The following SUFU variants were observed in gnomAD, a reference collection of about 807,000 sequenced individuals.
SUFU encodes SUFU negative regulator of hedgehog signaling.
A neutral mutation model predicts 58.9 loss-of-function variants in SUFU; 7 were observed. The ratio of observed to expected loss-of-function variants is 0.12; its 90% CI spans 0.07 to 0.22. The LOEUF is 0.22. SUFU is among the 10% of genes least tolerant of loss of function. The pLI is 1.00. For synonymous variants in SUFU, 232 were observed against 254.8 expected, an observed-to-expected ratio of 0.91 and a Z score of 0.85; for missense variants, 451 against 641.3, an observed-to-expected ratio of 0.70 and a Z score of 3.20.
Position 102,630,545 on chromosome 10 carries a change from G to A in SUFU, c.*390G>A. ...CCAGCAGGAGGGAGGCGGACAGCCA[G>A]ATGCAGAGCGAGTGGATGCACTTCC... On this transcript the variant is annotated 3_prime_UTR_variant, in exon 12 of 12. Coordinates refer to ENST00000369902, the MANE Select transcript of SUFU (RefSeq NM_016169.4). 5.0e-6 allele frequency: 2 copies of A among 402,446 alleles called. No homozygotes were observed. The highest frequency in any genetic ancestry group is 9.4e-6 in the Non-Finnish European group (2 of 213,154). The allele number at this position is 402,446 out of a possible 1,614,324, so 24.9% of individuals were successfully genotyped here. A position where few individuals can be genotyped will look rare whatever the true frequency, so the allele number is the denominator to read the frequency against.
chr10:102,530,555 G>C (rs1248565052), intron 2 of SUFU, among the ~76,000 whole-genome samples: 1 of 151,030 alleles, frequency 6.6e-6, no homozygotes, highest in Non-Finnish European at 1.5e-5. Context: ...CTGGGCTCAA[G>C]TGGTCCTCAT....
intron 3 of SUFU, among the ~76,000 whole-genome samples, chr10:102,577,155 C>T (rs1368324116): frequency 1.8e-4 from 25 of 139,056 alleles, no homozygotes; most frequent in African/African-American, 6.1e-4. Context: ...ACCATCTTGG[C>T]TCACTGCAAC....
rs1060501109 is a variant in SUFU, at chr10:102,550,088, C to T, written c.436C>T (p.Arg146Ter). The T allele has an allele frequency of 1.2e-6, 2 of 1,614,048 alleles. No homozygotes were observed. The highest frequency in any genetic ancestry group is 1.3e-5 in the African/African-American group (1 of 74,918). Residue 146 changes from arginine (R) to a stop codon, truncating the protein, a stop_gained, in exon 3 of 12, where the codon CGA (arginine) becomes TGA (stop). Transcript: ENST00000369902. LOFTEE classifies it high-confidence loss of function. ...WPAELMQGLA[R>*]YVFQSENTFC... ...CGCAGAGTTAATGCAGGGCTTGGCA[C>T]GATACGTGTTCCAGTCAGGTAGGAG...
intron 10 of SUFU, among the ~76,000 whole-genome samples, chr10:102,622,626 C>T (rs1248235553): frequency 6.6e-6 from 1 of 151,842 alleles, no homozygotes; most frequent in Non-Finnish European, 1.5e-5. Context: ...CCTGTAGTCC[C>T]AGCTTGTTTG....
At position 102,625,641 on chromosome 10, in the gene SUFU, G is replaced by A. The variant is rs7907090; in HGVS notation, c.1297-1534G>A. Among the ~76,000 whole-genome samples the A allele has an allele frequency of 0.043, 6,501 of 152,260 alleles. 280 individuals carry two copies. Among genetic ancestry groups the A allele is most frequent in the African/African-American group, 0.11 (4,666 of 41,526 alleles). On this transcript the variant is annotated intron_variant, in intron 10 of 11. Transcript: ENST00000369902. The surrounding 1 kb of genome is among the most constrained non-coding windows in gnomAD (Gnocchi z 4.7). ...ATATGGTCTTAACCACTCACAAGCC[G>A]TGTGACACTGAGCAAATTACATAAC...
intron 3 of SUFU, among the ~76,000 whole-genome samples, chr10:102,576,225 A>G (rs1564689324): frequency 6.6e-6 from 1 of 152,122 alleles, no homozygotes; most frequent in African/African-American, 2.4e-5. Flanking sequence ...GGCCCTCGCT[A>G]AAGAAACCCT....
chr10:102,526,355 G>C (rs10786675), intron 2 of SUFU, among the ~76,000 whole-genome samples: 152,014 of 152,274 alleles, frequency 1, 75,878 homozygotes, highest in East Asian at 1. Flanking sequence ...GAGTTCGAGA[G>C]CAGCCTGGGC....
chr10:102,564,710 T>A (rs2063071053), intron 3 of SUFU, among the ~76,000 whole-genome samples: 1 of 152,182 alleles, frequency 6.6e-6, no homozygotes, highest in Admixed American at 6.5e-5. Flanking sequence ...AGCTGCCTGG[T>A]TATATTCATA....
In SUFU at chr10:102,558,189, C is replaced by T. The variant is rs181411039; in HGVS notation, c.454+8083C>T. 1.0e-3 allele frequency among the ~76,000 whole-genome samples: 156 copies of T among 152,212 alleles called. 1 individual carries two copies. Among genetic ancestry groups the T allele is most frequent in the African/African-American group, 3.4e-3 (142 of 41,538 alleles). Reference sequence around the variant, plus strand: ...AGTGTTGGGATTACAGGCACAAGCCCCAACACCTGGCCTGTTTTTTAATTG... The same window carrying T: ...AGTGTTGGGATTACAGGCACAAGCCTCAACACCTGGCCTGTTTTTTAATTG... On this transcript the variant is annotated intron_variant, in intron 3 of 11. Coordinates refer to ENST00000369902, the MANE Select transcript of SUFU (RefSeq NM_016169.4).
At chr10:102,592,812 A>G in intron 4 of SUFU, 88 bp downstream of exon 4, 2 of 1,497,708 alleles carry the variant, frequency 1.3e-6, no homozygotes, top group Non-Finnish European at 1.8e-6. Flanking sequence ...GAGTGAAGGG[A>G]GTGGGAGGTT....
Position 102,615,334 on chromosome 10 carries a change from G to A in SUFU, c.1089G>A (p.Thr363=), listed in dbSNP as rs1438357532. 8.1e-6 allele frequency: 13 copies of A among 1,614,144 alleles called. No individual in the cohort carries two copies. Among genetic ancestry groups the A allele is most frequent in the East Asian group, 2.2e-5 (1 of 44,886 alleles). The change falls in exon 9 of 12, where the codon ACG becomes ACA. Residue 363 remains threonine (T), a synonymous_variant. Transcript: ENST00000369902. ...TAIIPHELIR[T]RQLESVHLKF... ...TCATTCCCCATGAGCTGATTCGCAC[G>A]CGGCAGCTTGAGAGCGTACATCTGA...
At chr10:102,533,408 C>CAA (rs1185623999) in intron 2 of SUFU, among the ~76,000 whole-genome samples, 54 of 100,796 alleles carry the variant, frequency 5.4e-4, no homozygotes, top group Middle Eastern at 5.4e-3. Flanking sequence ...CCCATCTCTA[C>CAA]AAAAAAAAAA....
chr10:102,524,043 T>C (rs1222618646), intron 2 of SUFU, among the ~76,000 whole-genome samples: 1 of 152,136 alleles, frequency 6.6e-6, no homozygotes, highest in Non-Finnish European at 1.5e-5. Context: ...TTACCTCACT[T>C]CCTTAGACCC....
rs2063701653 is a variant in SUFU, at chr10:102,617,712, C to A, written c.1296+284C>A. 3 of 598,742 alleles carry A rather than the reference C, an allele frequency of 5.0e-6. No individual in the cohort carries two copies. The allele number at this position is 598,742 out of a possible 1,614,324, so 37.1% of individuals were successfully genotyped here. On this transcript the variant is annotated intron_variant, in intron 10 of 11. Transcript: ENST00000369902. The surrounding 1 kb of genome is among the most constrained non-coding windows in gnomAD (Gnocchi z 4.4). ...GGTAATTCTGGTTCCCCGTGGAAAT[C>A]CAGGTTGGAGGGATATAAGACTTTC... is the stretch of plus-strand genomic sequence containing the variant.
intron 8 of SUFU, among the ~76,000 whole-genome samples, chr10:102,608,585 A>C (rs1369017080): frequency 6.6e-6 from 1 of 151,972 alleles, no homozygotes; most frequent in Non-Finnish European, 1.5e-5. Context: ...TAATGGGGGG[A>C]ACTTGGCTGT....
chr10:102,515,516 A>T (rs2062458236), intron 2 of SUFU, among the ~76,000 whole-genome samples: 2 of 152,006 alleles, frequency 1.3e-5, no homozygotes, highest in Admixed American at 1.3e-4. Context: ...GGGTTTCACC[A>T]TGTTGGCCGG....
chr10:102,555,284 A>C (rs1202569843), intron 3 of SUFU, among the ~76,000 whole-genome samples: 17 of 151,556 alleles, frequency 1.1e-4, no homozygotes, highest in African/African-American at 3.1e-4. Flanking sequence ...AAAAAAAAAA[A>C]AAAAAACTTT....
intron 3 of SUFU, among the ~76,000 whole-genome samples, chr10:102,560,924 G>A (rs1273152341): frequency 1.3e-5 from 2 of 151,828 alleles, no homozygotes; most frequent in Non-Finnish European, 2.9e-5. Context: ...CGCATCCTCC[G>A]CCTCCCAGGT....
chr10:102,572,207 A>T (rs2063168692), intron 3 of SUFU, among the ~76,000 whole-genome samples: 1 of 150,256 alleles, frequency 6.7e-6, no homozygotes. Flanking sequence ...CTGGGATTAC[A>T]GGCACCGGCC....
Sources: gnomAD v4.1 joint callset for allele counts (sites outside exome capture counted in the v4.1 genomes callset) on GRCh38, gnomAD v4.1.1 for gene constraint, Gnocchi (gnomAD v3.1) non-coding constraint, MANE v1.5 for transcripts, NCBI Gene and HGNC (gene_info 2026-07-23, HGNC 2026-07-21) for gene names.